PDXDC1: variants seen among roughly 807,000 people sequenced by gnomAD.
PDXDC1 encodes the protein pyridoxal-dependent decarboxylase domain-containing protein 1.
A neutral mutation model predicts 100.1 loss-of-function variants in PDXDC1; 42 were observed. The observed-to-expected ratio is 0.42, with a 90% CI of 0.33 to 0.54. The LOEUF (loss-of-function observed/expected upper bound fraction) is 0.54. Ranked by LOEUF, PDXDC1 falls within the 20% of genes least tolerant of loss-of-function variation. The pLI is 0.10. For synonymous variants in PDXDC1, 260 were observed against 371.7 expected (o/e 0.70, Z 3.46); for missense variants, 636 against 979.2 (o/e 0.65, Z 4.68).
At chr16:14,988,171 T>A (rs1162388829) in intron 1 of PDXDC1, 1 of 1,586,142 alleles carries the variant, frequency 6.3e-7, no homozygotes, top group South Asian at 1.1e-5. Flanking sequence ...GGCGGGTGCT[T>A]CCAAAGGATC....
At chr16:14,999,339 C>T (rs1567642757) in intron 3 of PDXDC1, among the ~76,000 whole-genome samples, 1 of 152,194 alleles carries the variant, frequency 6.6e-6, no homozygotes, top group Non-Finnish European at 1.5e-5. Flanking sequence ...AGTGCTGGGA[C>T]TACAGGCATA....
intron 16 of PDXDC1, among the ~76,000 whole-genome samples, chr16:15,129,573 A>G (rs2047941573): frequency 6.6e-6 from 1 of 152,232 alleles, no homozygotes; most frequent in African/African-American, 2.4e-5. Context: ...TGCAGTCAGG[A>G]TCGCGGGTGG....
At chr16:15,094,981 G>A (rs1179855642) in intron 16 of PDXDC1, among the ~76,000 whole-genome samples, 2 of 152,062 alleles carry the variant, frequency 1.3e-5, no homozygotes, top group Non-Finnish European at 2.9e-5. Context: ...GGGATTACAG[G>A]CGCATGCCAC....
rs142235345 is a variant in PDXDC1, at chr16:15,089,786, C to CAAAAAA, written c.1400-49073_1400-49068dup. ...CTGCACTCCAGCCTGGGCGACAGAG[C>CAAAAAA]AAAAAAAAAAAAAAAAAAAAAAAAA... On this transcript the variant is annotated intron_variant, in intron 16 of 16. Coordinates refer to the PDXDC1 transcript ENST00000535621. Among the ~76,000 whole-genome samples the CAAAAAA allele has an allele frequency of 5.7e-4, 38 of 66,576 alleles. 1 individual carries two copies. The highest frequency in any genetic ancestry group is 7.3e-4 in the Non-Finnish European group (29 of 39,912). The allele number at this position is 66,576 out of a possible 152,430, so 43.7% of individuals were successfully genotyped here. A position where few individuals can be genotyped will look rare whatever the true frequency, so the allele number is the denominator to read the frequency against.
chr16:15,076,462 T>C (rs1364401603), intron 16 of PDXDC1: 2 of 876,658 alleles, frequency 2.3e-6, no homozygotes, highest in African/African-American at 1.6e-5. Context: ...CTATTTTAAT[T>C]CTTTCAATCT....
At chr16:14,976,592 C>G (rs1290717687) in intron 1 of PDXDC1, among the ~76,000 whole-genome samples, 2 of 152,258 alleles carry the variant, frequency 1.3e-5, no homozygotes, top group African/African-American at 4.8e-5. Context: ...CCTTTTGGTA[C>G]TTTGAGTTTG....
intron 16 of PDXDC1, chr16:15,086,182 T>G: frequency 6.3e-7 from 1 of 1,599,060 alleles, no homozygotes; most frequent in Non-Finnish European, 8.5e-7. Flanking sequence ...GAAAACAGTC[T>G]GTGCTGATAC....
At chr16:15,144,360 G>A in the PDXDC1 span, among the ~76,000 whole-genome samples, 1 of 152,234 alleles carries the variant, frequency 6.6e-6, no homozygotes, top group Non-Finnish European at 1.5e-5. Context: ...TAAATTAACA[G>A]GCTGCAGTTT....
At chr16:15,123,035 C>A (rs909298214) in intron 16 of PDXDC1, among the ~76,000 whole-genome samples, 13 of 150,614 alleles carry the variant, frequency 8.6e-5, no homozygotes, top group Non-Finnish European at 1.6e-4. Flanking sequence ...ACAGGACACG[C>A]GGGGCAAGGG....
At chr16:15,151,690 G>A in the PDXDC1 span, among the ~76,000 whole-genome samples, 1 of 116,222 alleles carries the variant, frequency 8.6e-6, no homozygotes, top group African/African-American at 2.7e-5. Flanking sequence ...CCAGCACTTT[G>A]GGAGGCCGAG....
intron 8 of PDXDC1, among the ~76,000 whole-genome samples, chr16:15,010,117 C>T (rs1305118187): frequency 1.3e-5 from 2 of 152,394 alleles, no homozygotes; most frequent in African/African-American, 4.8e-5. Flanking sequence ...CACAATCTCA[C>T]CTCACTGCAA....
rs62039542 is a variant in PDXDC1, at chr16:15,124,735, G to A, written c.1400-14144G>A. On this transcript the variant is annotated intron_variant, in intron 16 of 16. Coordinates refer to the PDXDC1 transcript ENST00000535621. Reference sequence around the variant, plus strand: ...TGCAGTGAGCCGAGATTGCACCACTGCACTCCAGCCTAGGCGACAGAGCGA... The same window carrying A: ...TGCAGTGAGCCGAGATTGCACCACTACACTCCAGCCTAGGCGACAGAGCGA... Among the ~76,000 whole-genome samples the A allele has an allele frequency of 4.0e-3, 604 of 152,074 alleles. 2 individuals are homozygous for A. The highest frequency in any genetic ancestry group is 0.011 in the South Asian group (53 of 4,820).
intron 16 of PDXDC1, chr16:15,094,145 C>G: frequency 2.5e-6 from 4 of 1,595,722 alleles, no homozygotes; most frequent in African/African-American, 1.3e-5. Flanking sequence ...TGAATCTTAC[C>G]CAGTCCTCGA....
Position 15,114,582 on chromosome 16 carries a change from AAT to A in PDXDC1, c.1400-24295_1400-24294del. On this transcript the variant is annotated intron_variant, in intron 16 of 16. Coordinates refer to the PDXDC1 transcript ENST00000535621. The stretch of plus-strand genomic sequence containing the variant: ...CAGAGTATTGATAACCTGGAATAAT[AAT>A]AGTTGAAATAATGAAAAGGTCAATG... The A allele has an allele frequency of 3.8e-6, 5 of 1,327,450 alleles. No individual in the cohort carries two copies. The Admixed American group carries it at 7.5e-5, about 20-fold the overall frequency. 82.2% of individuals were successfully genotyped at this position (1,327,450 alleles called of 1,614,324 possible). A position where few individuals can be genotyped will look rare whatever the true frequency, so the allele number is the denominator to read the frequency against.
At chr16:15,111,982 T>A (rs1385623005) in intron 16 of PDXDC1, among the ~76,000 whole-genome samples, 2 of 147,786 alleles carry the variant, frequency 1.4e-5, no homozygotes, top group Admixed American at 1.4e-4. Context: ...GCATCTTTCT[T>A]CTGTCCCTGC....
Position 15,132,903 on chromosome 16 carries a change from T to C in PDXDC1, c.1400-5976T>C. The C allele has an allele frequency of 5.7e-6, 9 of 1,590,690 alleles. No individual in the cohort carries two copies. The East Asian group carries it at 6.7e-5, about 12-fold the overall frequency. ...GGCAGGCAGGCGGCACAGCAAGCTG[T>C]CAGCAGGGCAGGAGACCGGCAGGAG... On this transcript the variant is annotated intron_variant, in intron 16 of 16. Transcript: ENST00000535621.
intron 1 of PDXDC1, among the ~76,000 whole-genome samples, chr16:14,991,583 A>G (rs1486412076): frequency 4.6e-5 from 7 of 151,564 alleles, no homozygotes; most frequent in African/African-American, 9.7e-5. Flanking sequence ...CAGTGGCACA[A>G]TCTTGTCTCA....
chr16:14,978,989 A>G (rs1967335862), intron 1 of PDXDC1, among the ~76,000 whole-genome samples: 1 of 152,276 alleles, frequency 6.6e-6, no homozygotes, highest in Non-Finnish European at 1.5e-5. Context: ...TTGTAACAAT[A>G]AGAAATGTCT....
chr16:15,102,111 G>A (rs1051576294), intron 16 of PDXDC1, among the ~76,000 whole-genome samples: 1 of 152,128 alleles, frequency 6.6e-6, no homozygotes, highest in Non-Finnish European at 1.5e-5. Context: ...CTCTCAAAGT[G>A]TTGGGATTAC....
Sources: gnomAD v4.1 joint callset for allele counts (sites outside exome capture counted in the v4.1 genomes callset) on GRCh38, gnomAD v4.1.1 for gene constraint, MANE v1.5 for transcripts, NCBI Gene and HGNC (gene_info 2026-07-23, HGNC 2026-07-21) for gene names.